The following LIN28B variants were observed in gnomAD, a reference collection of about 807,000 sequenced individuals.
LIN28B encodes the protein lin-28 RNA binding posttranscriptional regulator B.
Under a neutral mutation model 21.9 loss-of-function variants are expected in LIN28B, and 5 were observed. That is an observed-to-expected ratio of 0.23 (90% CI 0.12 to 0.48). LIN28B has a LOEUF of 0.48. LIN28B is among the 20% of genes least tolerant of loss of function. LIN28B has a pLI of 0.98. For synonymous variants in LIN28B, 109 were observed against 111.3 expected (o/e 0.98, Z 0.13); for missense variants, 245 against 310.5 (o/e 0.79, Z 1.58).
At chr6:104,945,047 T>C (rs989294223) in intron 2 of LIN28B, among the ~76,000 whole-genome samples, 1 of 152,202 alleles carries the variant, frequency 6.6e-6, no homozygotes, top group African/African-American at 2.4e-5. Context: ...GCTACTTTTA[T>C]GTTTTTCAAA....
chr6:105,050,882 A>G (rs2114384708), intron 3 of LIN28B, among the ~76,000 whole-genome samples: 1 of 151,508 alleles, frequency 6.6e-6, no homozygotes, highest in South Asian at 2.1e-4. Context: ...AAGACAAGAT[A>G]TAAAATATGT....
intron 3 of LIN28B, among the ~76,000 whole-genome samples, chr6:105,047,917 G>A (rs1562105583): frequency 1.3e-5 from 2 of 152,238 alleles, no homozygotes; most frequent in South Asian, 2.1e-4. Flanking sequence ...GGAGATTTTG[G>A]GCTGAGACGA....
chr6:105,082,909 C>A lies in LIN28B; in HGVS notation c.*4126C>A, dbSNP rs1479789920. ...GAATCACATCTATCAACCACTGGCA[C>A]CTACCACCAAGCTGGCTTCAATTAG... On this transcript the variant is annotated 3_prime_UTR_variant, in exon 4 of 4. Coordinates refer to ENST00000345080, the MANE Select transcript of LIN28B (RefSeq NM_001004317.4). The A allele has an allele frequency of 6.6e-6, 1 of 152,650 alleles. No individual in the cohort carries two copies. Among genetic ancestry groups the A allele is most frequent in the East Asian group, 1.9e-4 (1 of 5,206 alleles). 9.5% of individuals were successfully genotyped at this position (152,650 alleles called of 1,614,324 possible). A position where few individuals can be genotyped will look rare whatever the true frequency, so the allele number is the denominator to read the frequency against.
At chr6:105,020,340 A>C (rs893372492) in intron 2 of LIN28B, among the ~76,000 whole-genome samples, 3 of 147,958 alleles carry the variant, frequency 2.0e-5, no homozygotes, top group Non-Finnish European at 4.5e-5. Context: ...CAAATACAGC[A>C]AGGATTTTTT....
intron 2 of LIN28B, among the ~76,000 whole-genome samples, chr6:105,020,747 CTTTTTTTTTTTT>C (rs1176851045): frequency 1.2e-5 from 1 of 85,386 alleles, no homozygotes; most frequent in Non-Finnish European, 2.1e-5. Context: ...TCATTCCACT[CTTTTTTTTTTTT>C]TTTTTTTTTT....
chr6:104,990,847 C>T (rs1357059926), intron 2 of LIN28B, among the ~76,000 whole-genome samples: 1 of 152,156 alleles, frequency 6.6e-6, no homozygotes, highest in African/African-American at 2.4e-5. Flanking sequence ...TGAGTGGACA[C>T]AGCACATGTT....
chr6:104,987,048 T>G (rs1377470443), intron 2 of LIN28B, among the ~76,000 whole-genome samples: 2 of 152,236 alleles, frequency 1.3e-5, no homozygotes, highest in Non-Finnish European at 2.9e-5. Context: ...AACATTAAGT[T>G]TAGAGACTCA....
chr6:105,026,125 C>T (rs1357890906), intron 2 of LIN28B, among the ~76,000 whole-genome samples, 173 bp from the exon 3 acceptor site: 4 of 151,972 alleles, frequency 2.6e-5, no homozygotes, highest in African/African-American at 7.3e-5. Flanking sequence ...CTCCCACTGC[C>T]AGTATTGCAA....
chr6:105,035,450 A>G (rs1771503774), intron 3 of LIN28B, among the ~76,000 whole-genome samples: 1 of 152,112 alleles, frequency 6.6e-6, no homozygotes, highest in African/African-American at 2.4e-5. Flanking sequence ...ATTCTGACCT[A>G]TAACCCCTAT....
intron 3 of LIN28B, among the ~76,000 whole-genome samples, chr6:105,040,392 C>T (rs1313860186): frequency 6.6e-6 from 1 of 151,934 alleles, no homozygotes; most frequent in Admixed American, 6.6e-5. Flanking sequence ...TATAGTTTAA[C>T]ATAATACGAA....
At chr6:105,001,317 C>T (rs1016303309) in intron 2 of LIN28B, among the ~76,000 whole-genome samples, 2 of 152,160 alleles carry the variant, frequency 1.3e-5, no homozygotes, top group African/African-American at 4.8e-5. Flanking sequence ...ATACATAAAT[C>T]ACACTTTTTT....
At chr6:105,038,006 A>G (rs1562101689) in intron 3 of LIN28B, among the ~76,000 whole-genome samples, 2 of 152,182 alleles carry the variant, frequency 1.3e-5, no homozygotes, top group African/African-American at 2.4e-5. Flanking sequence ...CAACAATATT[A>G]GAAGGAAATA....
At chr6:105,032,259 T>C (rs1258226637) in intron 3 of LIN28B, among the ~76,000 whole-genome samples, 37 of 152,286 alleles carry the variant, frequency 2.4e-4, no homozygotes, top group Non-Finnish European at 4.0e-4. Flanking sequence ...GAAGATTCAT[T>C]TTCAGTTTTG....
intron 2 of LIN28B, among the ~76,000 whole-genome samples, chr6:104,945,776 T>C (rs1582856041): frequency 6.6e-6 from 1 of 152,288 alleles, no homozygotes; most frequent in East Asian, 1.9e-4. Flanking sequence ...AACTGTGTTA[T>C]AGCTTACATT....
intron 2 of LIN28B, among the ~76,000 whole-genome samples, chr6:104,966,582 T>C (rs1769863746): frequency 6.6e-6 from 1 of 151,470 alleles, no homozygotes; most frequent in Non-Finnish European, 1.5e-5. Flanking sequence ...CCTTCTGAGA[T>C]GCTGGGATTC....
intron 3 of LIN28B, among the ~76,000 whole-genome samples, chr6:105,046,160 TC>T (rs998338135): frequency 1.3e-5 from 2 of 152,022 alleles, no homozygotes; most frequent in African/African-American, 4.8e-5. Flanking sequence ...ATGCTATCCG[TC>T]CCCCCTCCCT....
chr6:105,039,795 C>G (rs1199938651), intron 3 of LIN28B, among the ~76,000 whole-genome samples: 2 of 151,772 alleles, frequency 1.3e-5, no homozygotes, highest in Admixed American at 1.3e-4. Context: ...AATTTTTTTT[C>G]TTCAGTTTTA....
chr6:104,965,374 G>A (rs1355398398), intron 2 of LIN28B, among the ~76,000 whole-genome samples: 1 of 152,118 alleles, frequency 6.6e-6, no homozygotes, highest in East Asian at 1.9e-4. Context: ...AAAAAAATTA[G>A]CTAGGCCTGA....
At chr6:105,027,085 T>C (rs1484343309) in intron 3 of LIN28B, among the ~76,000 whole-genome samples, 1 of 152,134 alleles carries the variant, frequency 6.6e-6, no homozygotes, top group Non-Finnish European at 1.5e-5. Context: ...ATATTTAGGC[T>C]ACCTCATGTA....
Sources: gnomAD v4.1 joint callset for allele counts (sites outside exome capture counted in the v4.1 genomes callset) on GRCh38, gnomAD v4.1.1 for gene constraint, MANE v1.5 for transcripts, NCBI Gene and HGNC (gene_info 2026-07-23, HGNC 2026-07-21) for gene names.